ZC3H4: variants seen among roughly 807,000 people sequenced by gnomAD.
The protein encoded by ZC3H4 is zinc finger CCCH-type containing 4.
In ZC3H4, 13 loss-of-function variants were observed where a neutral mutation model predicts 108.3. The ratio of observed to expected loss-of-function variants is 0.12; its 90% CI spans 0.08 to 0.19. The LOEUF (loss-of-function observed/expected upper bound fraction) is 0.19. Among genes scored for constraint, ZC3H4 ranks in the 10% least tolerant of loss-of-function variants. The pLI is 1.00. For missense variants in ZC3H4, 1,734 were observed against 1,838.8 expected, an observed-to-expected ratio of 0.94 and a Z score of 1.04; for synonymous variants, 917 against 749.6, an observed-to-expected ratio of 1.22 and a Z score of -3.65.
At chr19:47,071,594 A>T (rs1199410786) in intron 13 of ZC3H4, among the ~76,000 whole-genome samples, 184 bp downstream of exon 13, 1 of 151,946 alleles carries the variant, frequency 6.6e-6, no homozygotes. Flanking sequence ...TACACAGAAT[A>T]CTCCTTTCTT....
In ZC3H4 at chr19:47,072,362, G is replaced by A. The variant is rs770811192; in HGVS notation, c.1792C>T (p.Leu598=). The A allele has an allele frequency of 6.2e-7, 1 of 1,613,116 alleles. No individual in the cohort carries two copies. Among genetic ancestry groups the A allele is most frequent in the Non-Finnish European group, 8.5e-7 (1 of 1,179,754 alleles). The part of the protein sequence containing the change: ...VRPTGQLAEK[L]GVRFPGPGGP... ...GTCCAGGGCACTCACCTCACACCCAGCTTCTCAGCCAGCTGTCCCGTGGGC... is the reference window on the plus strand; with the variant it reads ...GTCCAGGGCACTCACCTCACACCCAACTTCTCAGCCAGCTGTCCCGTGGGC... Residue 598 remains leucine (L), a synonymous_variant, in exon 12 of 15, where the codon CTG becomes TTG. Transcript: ENST00000253048. This position sits in a 1 kb window ranked among gnomAD's most constrained non-coding sequence, Gnocchi z 5.6.
At chr19:47,093,925 A>G in intron 4 of ZC3H4, 45 bp downstream of exon 4, 1 of 1,542,898 alleles carries the variant, frequency 6.5e-7, no homozygotes, top group Non-Finnish European at 8.9e-7. Flanking sequence ...AAGCAGTTGA[A>G]CTCCTCCCGG....
At chr19:47,086,977 T>TAA (rs113670263) in intron 5 of ZC3H4, among the ~76,000 whole-genome samples, 3 of 141,074 alleles carry the variant, frequency 2.1e-5, no homozygotes, top group Non-Finnish European at 3.1e-5. Flanking sequence ...AAGACTTAGT[T>TAA]AAAAAAAAAA....
chr19:47,089,944 G>T, intron 5 of ZC3H4, 23 bp downstream of exon 5: 1 of 1,613,520 alleles, frequency 6.2e-7, no homozygotes. Flanking sequence ...CCCCAGAGGA[G>T]AAACTGTAAG....
intron 3 of ZC3H4, 139 bp from the exon 4 acceptor site, chr19:47,094,219 T>A: frequency 9.2e-7 from 1 of 1,083,896 alleles, no homozygotes; most frequent in Non-Finnish European, 1.4e-6. Flanking sequence ...GGGCACTTAG[T>A]GGCAATGAAG....
chr19:47,109,134 A>G (rs747709012), intron 2 of ZC3H4, among the ~76,000 whole-genome samples: 16 of 152,200 alleles, frequency 1.1e-4, no homozygotes, highest in South Asian at 2.1e-4. Flanking sequence ...TTTTTAACTA[A>G]TACTGGTACA....
chr19:47,075,426 CT>C (rs2057402632), intron 11 of ZC3H4, among the ~76,000 whole-genome samples: 1 of 152,136 alleles, frequency 6.6e-6, no homozygotes. Flanking sequence ...ATGGCTTGCG[CT>C]GCAGCTGCCA....
intron 2 of ZC3H4, chr19:47,110,903 T>C (rs2058030412): frequency 2.0e-6 from 2 of 985,204 alleles, no homozygotes; most frequent in African/African-American, 1.7e-5. Flanking sequence ...ACCAAACTGC[T>C]GCACTTGTGT....
chr19:47,082,936 T>G (rs896449477), intron 9 of ZC3H4, among the ~76,000 whole-genome samples: 4 of 152,230 alleles, frequency 2.6e-5, no homozygotes, highest in Admixed American at 6.5e-5. Context: ...TCCAGGATTG[T>G]GTTCTCCATT....
intron 5 of ZC3H4, 98 bp downstream of exon 5, chr19:47,089,869 C>G (rs2057699727): frequency 1.6e-5 from 21 of 1,293,306 alleles, no homozygotes; most frequent in Non-Finnish European, 2.3e-5. Context: ...TATCCCAACC[C>G]TAAGTGACCA....
rs770271351 is a variant in ZC3H4, at chr19:47,084,474, G to A, written c.1108-19C>T. 1.2e-6 allele frequency: 2 copies of A among 1,612,580 alleles called. No homozygotes were observed. Among genetic ancestry groups the A allele is most frequent in the Admixed American group, 1.7e-5 (1 of 60,024 alleles). ...CACCGTCCTGCAATGGACAGGGTGTGGACGTAAAGGGGAATGAAAGGGAAG... is the reference window on the plus strand; with the variant it reads ...CACCGTCCTGCAATGGACAGGGTGTAGACGTAAAGGGGAATGAAAGGGAAG... On this transcript the variant is annotated intron_variant, in intron 8 of 14. Coordinates refer to ENST00000253048, the MANE Select transcript of ZC3H4 (RefSeq NM_015168.2).
At position 47,090,187 on chromosome 19, in the gene ZC3H4, G is replaced by A; in HGVS notation, c.495C>T (p.Ser165=). 1 of 1,614,130 alleles carries A rather than the reference G, an allele frequency of 6.2e-7. No individual in the cohort carries two copies. ...CATGCGATGGGGGGTACTGCTGGTG[G>A]GACTGCGTCCCAGAGATGGGGAAAA... ...YREYSPPYAP[S]HQQYPPSHAT... is the part of the protein sequence containing the mutation. The change falls in exon 5 of 15, where the codon TCC becomes TCT. Residue 165 remains serine (S), a splice_region_variant and synonymous_variant. Coordinates refer to ENST00000253048, the MANE Select transcript of ZC3H4 (RefSeq NM_015168.2).
intron 2 of ZC3H4, among the ~76,000 whole-genome samples, chr19:47,106,847 C>T (rs2057974315): frequency 6.6e-6 from 1 of 152,198 alleles, no homozygotes. Context: ...CTGACTCAGC[C>T]AGATCCCAAA....
chr19:47,079,650 C>T (rs1289501858), intron 11 of ZC3H4, among the ~76,000 whole-genome samples: 2 of 152,124 alleles, frequency 1.3e-5, no homozygotes, highest in Non-Finnish European at 2.9e-5. Context: ...GTAATCCCAG[C>T]GATTTGGGAG....
rs2057246507 is a variant in ZC3H4, at chr19:47,067,838, C to T, written c.2430G>A (p.Glu810=). 3 of 1,604,942 alleles carry T rather than the reference C, an allele frequency of 1.9e-6. No homozygotes were observed. The highest frequency in any genetic ancestry group is 1.7e-4 in the Middle Eastern group (1 of 6,032). The change falls in exon 15 of 15, where the codon GAG becomes GAA. Residue 810 remains glutamate (E), a synonymous_variant. Transcript: ENST00000253048. The surrounding 1 kb of genome is among the most constrained non-coding windows in gnomAD (Gnocchi z 6.4). ...AGGTGACACTGCTTCCACCCTCATC[C>T]TCATCACTTGAGTACCAGTTTCCGG... ...GDTGNWYSSD[E]DEGGSSVTSI...
chr19:47,069,833 AC>A (rs751763928), intron 13 of ZC3H4, among the ~76,000 whole-genome samples: 2 of 152,184 alleles, frequency 1.3e-5, no homozygotes, highest in Non-Finnish European at 2.9e-5. Flanking sequence ...AGAGAATGAA[AC>A]GGGTCAAGTG....
chr19:47,094,001 T>C lies in ZC3H4; in HGVS notation c.461A>G (p.Lys154Arg), dbSNP rs1005605859. The C allele has an allele frequency of 5.6e-6, 9 of 1,614,068 alleles. No homozygotes were observed. The highest frequency in any genetic ancestry group is 6.8e-6 in the Non-Finnish European group (8 of 1,180,042). Reference sequence around the variant, plus strand: ...ATATGGGGGGCTGTACTCTCTGTACTTGCGGTGACCTTTCTCACTGGGGCT... The same window carrying C: ...ATATGGGGGGCTGTACTCTCTGTACCTGCGGTGACCTTTCTCACTGGGGCT... ...DFSPSEKGHR[K>R]YREYSPPYAP... is the part of the protein sequence containing the mutation. Residue 154 changes from lysine to arginine, a missense_variant, in exon 4 of 15, where the codon AAG (lysine) becomes AGG (arginine). Coordinates refer to ENST00000253048, the MANE Select transcript of ZC3H4 (RefSeq NM_015168.2).
chr19:47,071,785 C>T lies in ZC3H4; in HGVS notation c.2139G>A (p.Gly713=), dbSNP rs2057329888. Residue 713 remains glycine (G), a synonymous_variant, in exon 13 of 15, where the codon GGG becomes GGA. Coordinates refer to ENST00000253048, the MANE Select transcript of ZC3H4 (RefSeq NM_015168.2). ...ACCTGGAGTCCCGCATACCTGCATC[C>T]CCCAGGAGTCCGGGCTCCATCTCCA... ...EGMEMEPGLL[G]DAEDYGHYEE... The T allele has an allele frequency of 1.2e-6, 2 of 1,608,628 alleles. No individual in the cohort carries two copies. The highest frequency in any genetic ancestry group is 1.7e-6 in the Non-Finnish European group (2 of 1,177,792).
Position 47,081,608 on chromosome 19 carries a change from T to C in ZC3H4, c.1345A>G (p.Lys449Glu). The C allele has an allele frequency of 6.2e-7, 1 of 1,614,122 alleles. No homozygotes were observed. The stretch of plus-strand genomic sequence containing the variant: ...CAGTTCCCAGTGGTGTGGTACAGCT[T>C]ACACGGGAAATCACGTTCATGGCAA... ...CPYMHGDFPC[K>E]LYHTTGNCIN... Residue 449 changes from lysine to glutamate, a missense_variant, in exon 11 of 15, where the codon AAG becomes GAG. Coordinates refer to ENST00000253048, the MANE Select transcript of ZC3H4 (RefSeq NM_015168.2).
Sources: gnomAD v4.1 joint callset for allele counts (sites outside exome capture counted in the v4.1 genomes callset) on GRCh38, gnomAD v4.1.1 for gene constraint, Gnocchi (gnomAD v3.1) non-coding constraint, MANE v1.5 for transcripts, NCBI Gene and HGNC (gene_info 2026-07-23, HGNC 2026-07-21) for gene names.